The following PXK variants were observed in gnomAD, a reference collection of about 807,000 sequenced individuals.
PXK encodes PX domain containing serine/threonine kinase like, also known as PX domain-containing protein kinase-like protein.
A neutral mutation model predicts 84.7 loss-of-function variants in PXK; 35 were observed. The ratio of observed to expected loss-of-function variants is 0.41; its 90% confidence interval spans 0.32 to 0.55. The LOEUF (loss-of-function observed/expected upper bound fraction) is 0.55. Ranked by LOEUF, PXK falls within the 20% of genes least tolerant of loss-of-function variation. The pLI, the probability that PXK is intolerant of heterozygous loss-of-function variation, is 0.21. For missense variants in PXK, 634 were observed against 699.7 expected, an observed-to-expected ratio of 0.91 and a Z score of 1.06; for synonymous variants, 253 against 260.8, an observed-to-expected ratio of 0.97 and a Z score of 0.29.
intron 7 of PXK, 37 bp from the exon 8 acceptor site, chr3:58,394,961 A>G: frequency 2.7e-6 from 4 of 1,504,496 alleles, no homozygotes; most frequent in Non-Finnish European, 3.7e-6. Flanking sequence ...CTAGATCCTG[A>G]CGCAAATCAA....
chr3:58,353,715 C>T (rs1575853485), intron 1 of PXK, among the ~76,000 whole-genome samples: 1 of 152,184 alleles, frequency 6.6e-6, no homozygotes, highest in South Asian at 2.1e-4. Context: ...CCTATGGCTG[C>T]AGCTGTTGTG....
chr3:58,397,600 C>T lies in PXK; in HGVS notation c.985-5C>T. 1 of 1,609,306 alleles carries T rather than the reference C, an allele frequency of 6.2e-7. No homozygotes were observed. The highest frequency in any genetic ancestry group is 8.5e-7 in the Non-Finnish European group (1 of 1,175,580). On this transcript the variant is annotated splice_region_variant and splice_polypyrimidine_tract_variant and intron_variant, in intron 10 of 17. Coordinates refer to ENST00000356151, the MANE Select transcript of PXK (RefSeq NM_017771.5). The surrounding 1 kb of genome is among the most constrained non-coding windows in gnomAD (Gnocchi z 4.7). ...GTGAACACGCTGCTACTCTTTCTTC[C>T]ACAGACATTGGAAAGTGTGGATGTC...
At chr3:58,408,316 C>T (rs2059686747) in intron 13 of PXK, among the ~76,000 whole-genome samples, 1 of 152,174 alleles carries the variant, frequency 6.6e-6, no homozygotes, top group Admixed American at 6.5e-5. Flanking sequence ...GTGAGGCCTT[C>T]AACTTTATTT....
chr3:58,398,207 C>T lies in PXK; in HGVS notation c.1102+485C>T, dbSNP rs970206167. 4.6e-5 allele frequency among the ~76,000 whole-genome samples: 7 copies of T among 152,130 alleles called. No individual in the cohort carries two copies. Among genetic ancestry groups the T allele is most frequent in the Admixed American group, 2.0e-4 (3 of 15,264 alleles). ...CATGAGGTCAGGAGTTTGAGACCAG[C>T]CTGGCCAACATAATGAAACCCCATC... is the stretch of plus-strand genomic sequence containing the variant. On this transcript the variant is annotated intron_variant, in intron 11 of 17. Transcript: ENST00000356151. The surrounding 1 kb of genome is among the most constrained non-coding windows in gnomAD (Gnocchi z 4.5).
intron 1 of PXK, among the ~76,000 whole-genome samples, chr3:58,354,293 A>G (rs2098015165): frequency 6.6e-6 from 1 of 152,080 alleles, no homozygotes; most frequent in African/African-American, 2.4e-5. Context: ...TACCAACCGT[A>G]CCCCCAAAAA....
chr3:58,409,088 C>A lies in PXK; in HGVS notation c.1308+87C>A. On this transcript the variant is annotated intron_variant, in intron 14 of 17. Coordinates refer to ENST00000356151, the MANE Select transcript of PXK (RefSeq NM_017771.5). This position sits in a 1 kb window ranked among gnomAD's most constrained non-coding sequence, Gnocchi z 4.2. ...AGTGATTGACCTTTGACTGTTCCCT[C>A]TGCAAATATTTTAAGCATACTTACT... is the stretch of plus-strand genomic sequence containing the variant. The A allele has an allele frequency of 1.0e-6, 1 of 1,001,270 alleles. No homozygotes were observed. Among genetic ancestry groups the A allele is most frequent in the Admixed American group, 2.2e-5 (1 of 44,458 alleles). The allele number at this position is 1,001,270 out of a possible 1,614,324, so 62.0% of individuals were successfully genotyped here. A position where few individuals can be genotyped will look rare whatever the true frequency, so the allele number is the denominator to read the frequency against.
At chr3:58,338,781 G>C (rs1001877331) in intron 1 of PXK, among the ~76,000 whole-genome samples, 1 of 151,446 alleles carries the variant, frequency 6.6e-6, no homozygotes, top group African/African-American at 2.4e-5. Context: ...TGCCTCCCGG[G>C]TTCAAGCAAT....
In PXK at chr3:58,390,477, A is replaced by T; in HGVS notation, c.389-105A>T. ...TTTTTTTTTGGTAATTAAGTTTTTTAAAAAGGTCATAGACTATAGGGATTT... is the reference window on the plus strand; with the variant it reads ...TTTTTTTTTGGTAATTAAGTTTTTTTAAAAGGTCATAGACTATAGGGATTT... On this transcript the variant is annotated intron_variant, in intron 4 of 17. Transcript: ENST00000356151. The surrounding 1 kb of genome is among the most constrained non-coding windows in gnomAD (Gnocchi z 4.2). 1.5e-6 allele frequency: 1 copy of T among 651,436 alleles called. No homozygotes were observed. Among genetic ancestry groups the T allele is most frequent in the Non-Finnish European group, 2.3e-6 (1 of 435,012 alleles). The allele number at this position is 651,436 out of a possible 1,614,324, so 40.4% of individuals were successfully genotyped here. A position where few individuals can be genotyped will look rare whatever the true frequency, so the allele number is the denominator to read the frequency against.
rs556341154 is a variant in PXK at position 58,398,316 on chromosome 3, G to C, written c.1102+594G>C. On this transcript the variant is annotated intron_variant, in intron 11 of 17. Coordinates refer to ENST00000356151, the MANE Select transcript of PXK (RefSeq NM_017771.5). The surrounding 1 kb of genome is among the most constrained non-coding windows in gnomAD (Gnocchi z 4.5). The stretch of plus-strand genomic sequence containing the variant: ...TTTGGGAGGCTGAGGCACGAGAATT[G>C]CTTGAACCCGCCTCTTGGGAGGTGG... Among the ~76,000 whole-genome samples, 2 of 152,328 alleles carry C rather than the reference G, an allele frequency of 1.3e-5. No homozygotes were observed. Among genetic ancestry groups the C allele is most frequent in the African/African-American group, 4.8e-5 (2 of 41,570 alleles).
chr3:58,395,535 C>G (rs62258105), intron 8 of PXK, 123 bp from the exon 9 acceptor site: 2 of 703,348 alleles, frequency 2.8e-6, no homozygotes, highest in South Asian at 1.9e-5. Flanking sequence ...TAAAAACTCA[C>G]ATCTTGCAGC....
intron 9 of PXK, among the ~76,000 whole-genome samples, chr3:58,396,798 C>A (rs2107141049): frequency 6.6e-6 from 1 of 152,330 alleles, no homozygotes; most frequent in South Asian, 2.1e-4. Flanking sequence ...ATGCAGGCTG[C>A]TTCTCTATTC....
Position 58,412,819 on chromosome 3 carries a change from G to T in PXK, c.1466-82G>T. 1 of 1,381,522 alleles carries T rather than the reference G, an allele frequency of 7.2e-7. No individual in the cohort carries two copies. Among genetic ancestry groups the T allele is most frequent in the Admixed American group, 1.7e-5 (1 of 59,608 alleles). 85.6% of individuals were successfully genotyped at this position (1,381,522 alleles called of 1,614,324 possible). On this transcript the variant is annotated intron_variant, in intron 16 of 17. Coordinates refer to ENST00000356151, the MANE Select transcript of PXK (RefSeq NM_017771.5). This position sits in a 1 kb window ranked among gnomAD's most constrained non-coding sequence, Gnocchi z 6.2. ...ACACTAAGCCAAATGTAGATTCTCA[G>T]ACAGCAGTGGGTCCCAGCCTGGGCC...
At chr3:58,394,929 C>A in intron 7 of PXK, 69 bp from the exon 8 acceptor site, 1 of 1,186,376 alleles carries the variant, frequency 8.4e-7, no homozygotes, top group Non-Finnish European at 1.3e-6. Flanking sequence ...TCTGCATAAC[C>A]AGATCCTGTA....
intron 3 of PXK, among the ~76,000 whole-genome samples, chr3:58,374,365 G>A (rs1376985495): frequency 4.0e-5 from 6 of 151,844 alleles, no homozygotes; most frequent in African/African-American, 1.5e-4. Context: ...TAGAGATGGG[G>A]GTTTCATCAT....
chr3:58,348,600 AC>A (rs1336166841), intron 1 of PXK, among the ~76,000 whole-genome samples: 1 of 152,194 alleles, frequency 6.6e-6, no homozygotes, highest in Non-Finnish European at 1.5e-5. Context: ...TATAATTTCA[AC>A]ATGGAATCAT....
In PXK at chr3:58,399,371, A is replaced by G. The variant is rs143160176; in HGVS notation, c.1175A>G (p.Gln392Arg). The G allele has an allele frequency of 2.5e-6, 4 of 1,612,488 alleles. No individual in the cohort carries two copies. In the East Asian group the frequency reaches 6.7e-5, roughly 27 times the overall value. Residue 392 changes from glutamine to arginine, a missense_variant, in exon 12 of 18, where the codon CAG becomes CGG. Physicochemically the swap from Gln to Arg is conservative, Grantham distance 43. This residue lies in a region of PXK where 273 missense variants were observed against 283.6 expected (regional missense o/e 0.96). Coordinates refer to ENST00000356151, the MANE Select transcript of PXK (RefSeq NM_017771.5). The surrounding 1 kb of genome is among the most constrained non-coding windows in gnomAD (Gnocchi z 4.3). ...ATGCCTACCATCTCCCGGCTCTTACAGATGCCGTAAGTCAATCATATGCGT... is the reference window on the plus strand; with the variant it reads ...ATGCCTACCATCTCCCGGCTCTTACGGATGCCGTAAGTCAATCATATGCGT... ...NGMPTISRLL[Q>R]MPLFSDVLLT...
chr3:58,358,282 A>G (rs1265333341), intron 1 of PXK, among the ~76,000 whole-genome samples: 2 of 152,114 alleles, frequency 1.3e-5, no homozygotes, highest in Non-Finnish European at 2.9e-5. Flanking sequence ...CACCAGCATC[A>G]TCTCTTTCTT....
At chr3:58,392,491 AATT>A (rs1471385966) in intron 7 of PXK, among the ~76,000 whole-genome samples, 1 of 152,166 alleles carries the variant, frequency 6.6e-6, no homozygotes, top group Non-Finnish European at 1.5e-5. Context: ...AACTGAACAC[AATT>A]ACACTGACTT....
rs1038506682 is a variant in PXK at position 58,409,423 on chromosome 3, G to T, written c.1309-109G>T. On this transcript the variant is annotated intron_variant, in intron 14 of 17. Transcript: ENST00000356151. The surrounding 1 kb of genome is among the most constrained non-coding windows in gnomAD (Gnocchi z 4.2). ...GAAGTAGACAGCCTGAGCAAGGAAA[G>T]ATTTTCTTTTATCCCAATAAAATGT... 9.7e-6 allele frequency: 10 copies of T among 1,027,976 alleles called. No homozygotes were observed. The African/African-American group carries it at 1.3e-4, about 13-fold the overall frequency. The allele number at this position is 1,027,976 out of a possible 1,614,324, so 63.7% of individuals were successfully genotyped here. A position where few individuals can be genotyped will look rare whatever the true frequency, so the allele number is the denominator to read the frequency against.
Sources: allele counts gnomAD v4.1 joint callset (sites outside exome capture counted in the v4.1 genomes callset), GRCh38; gene constraint gnomAD v4.1.1; regional missense constraint gnomAD v4.1.1; non-coding constraint Gnocchi (gnomAD v3.1); transcripts MANE v1.5; gene names NCBI Gene and HGNC (gene_info 2026-07-23, HGNC 2026-07-21).